The following DNAJC16 variants were observed in gnomAD, a reference collection of about 807,000 sequenced individuals.
DNAJC16 encodes DnaJ heat shock protein family (Hsp40) member C16.
DNAJC16 carries 76 observed loss-of-function variants against 92.7 expected under a neutral mutation model. That is an observed-to-expected ratio of 0.82 (90% confidence interval 0.68 to 0.99). The LOEUF (loss-of-function observed/expected upper bound fraction) is 0.99. Ranked by LOEUF, DNAJC16 falls within the 50% of genes least tolerant of loss-of-function variation. The pLI is 0.00. For missense variants in DNAJC16, 869 were observed against 942.4 expected (o/e 0.92, Z 1.02); for synonymous variants, 328 against 358.7 (o/e 0.91, Z 0.97).
intron 1 of DNAJC16, among the ~76,000 whole-genome samples, chr1:15,527,273 G>A (rs1710539497): frequency 6.6e-6 from 1 of 152,170 alleles, no homozygotes; most frequent in African/African-American, 2.4e-5. Flanking sequence ...CTGCTCCGAG[G>A]TCGGCGCCGT....
intron 8 of DNAJC16, among the ~76,000 whole-genome samples, chr1:15,560,498 G>T (rs1638666727): frequency 6.6e-6 from 1 of 152,074 alleles, no homozygotes; most frequent in Non-Finnish European, 1.5e-5. Flanking sequence ...GAAATTCAGG[G>T]AATGTATTCA....
At chr1:15,534,576 T>A (rs570801899) in intron 3 of DNAJC16, among the ~76,000 whole-genome samples, 1 of 151,850 alleles carries the variant, frequency 6.6e-6, no homozygotes, top group Admixed American at 6.6e-5. Flanking sequence ...ACAAAAAAAA[T>A]TCGCCGGGCG....
intron 7 of DNAJC16, among the ~76,000 whole-genome samples, chr1:15,551,217 A>G (rs949274758): frequency 6.6e-6 from 1 of 152,112 alleles, no homozygotes; most frequent in African/African-American, 2.4e-5. Context: ...ATTTTATTAA[A>G]CCTTAACCCT....
intron 6 of DNAJC16, 150 bp from the exon 7 acceptor site, chr1:15,548,120 A>G (rs1638353368): frequency 1.6e-6 from 1 of 636,290 alleles, no homozygotes; most frequent in East Asian, 2.9e-5. Flanking sequence ...ACACCATAGA[A>G]TGGAAGTATA....
chr1:15,567,184 C>T lies in DNAJC16; in HGVS notation c.1864C>T (p.His622Tyr). 1 of 1,614,174 alleles carries T rather than the reference C, an allele frequency of 6.2e-7. No individual in the cohort carries two copies. Among genetic ancestry groups the T allele is most frequent in the South Asian group, 1.1e-5 (1 of 91,084 alleles). ...TSNLVRLRPGHMNVVLILSNS... is the reference protein window; with the variant it reads ...TSNLVRLRPGYMNVVLILSNS... ...TAACTTGGTACGTCTGAGGCCAGGC[C>T]ACATGAATGTGGTCCTCATCCTGTC... is the stretch of plus-strand genomic sequence containing the variant. The change falls in exon 14 of 15, where the codon CAC becomes TAC. Residue 622 changes from histidine to tyrosine, a missense_variant. By Grantham distance (83) the His-to-Tyr change is moderately conservative. Coordinates refer to ENST00000375847, the MANE Select transcript of DNAJC16 (RefSeq NM_015291.4).
intron 14 of DNAJC16, 84 bp from the exon 15 acceptor site, chr1:15,567,694 T>A (rs768609226): frequency 2.1e-6 from 3 of 1,414,500 alleles, no homozygotes; most frequent in Non-Finnish European, 2.9e-6. Flanking sequence ...TCCTATTATT[T>A]TAAGTCTCAC....
chr1:15,547,538 G>A (rs1236088906), intron 6 of DNAJC16, among the ~76,000 whole-genome samples: 1 of 151,674 alleles, frequency 6.6e-6, no homozygotes, highest in Non-Finnish European at 1.5e-5. Flanking sequence ...CGCCTACCGG[G>A]TTCAAGCAAT....
chr1:15,536,671 T>G lies in DNAJC16; in HGVS notation c.431T>G (p.Leu144Trp), dbSNP rs764037269. Residue 144 changes from leucine to tryptophan, a missense_variant, in exon 4 of 15, where the codon TTG becomes TGG. By Grantham distance (61) the Leu-to-Trp change is moderately conservative. Coordinates refer to ENST00000375847, the MANE Select transcript of DNAJC16 (RefSeq NM_015291.4). ...GACTCAATTGACGAAAAGTATTTATTGCACTTTTCACATTATGTGAATGAA... is the reference window on the plus strand; with the variant it reads ...GACTCAATTGACGAAAAGTATTTATGGCACTTTTCACATTATGTGAATGAA... ...RRDSIDEKYL[L>W]HFSHYVNEVV... 3 of 1,614,178 alleles carry G rather than the reference T, an allele frequency of 1.9e-6. No homozygotes were observed. Among genetic ancestry groups the G allele is most frequent in the Non-Finnish European group, 1.7e-6 (2 of 1,180,016 alleles).
At chr1:15,556,990 T>G (rs1638584670) in intron 7 of DNAJC16, among the ~76,000 whole-genome samples, 2 of 152,264 alleles carry the variant, frequency 1.3e-5, no homozygotes, top group Admixed American at 1.3e-4. Flanking sequence ...CTCATATTAA[T>G]TCATTCTCTA....
Position 15,537,346 on chromosome 1 carries a change from C to T in DNAJC16, c.574+532C>T, listed in dbSNP as rs75249142. On this transcript the variant is annotated intron_variant, in intron 4 of 14. Transcript: ENST00000375847. ...ACTGGTAAAAACTAGTGTGTAAAAG[C>T]ATCCAGTGTTTAAAGAGAAGTGTGC... Among the ~76,000 whole-genome samples, 214 of 152,298 alleles carry T rather than the reference C, an allele frequency of 1.4e-3. 2 individuals are homozygous for T. The highest frequency in any genetic ancestry group is 5.0e-3 in the African/African-American group (208 of 41,560).
intron 2 of DNAJC16, among the ~76,000 whole-genome samples, chr1:15,531,171 C>T (rs1056561592): frequency 2.0e-5 from 3 of 152,074 alleles, no homozygotes; most frequent in African/African-American, 4.8e-5. Flanking sequence ...GAGCTGAATG[C>T]GAGTAGGAAG....
rs903862621 is a variant in DNAJC16 at position 15,569,296 on chromosome 1, C to A, written c.*1119C>A. The A allele has an allele frequency of 1.3e-5, 2 of 152,194 alleles. No homozygotes were observed. Among genetic ancestry groups the A allele is most frequent in the Admixed American group, 6.5e-5 (1 of 15,268 alleles). The allele number at this position is 152,194 out of a possible 1,614,324, so 9.4% of individuals were successfully genotyped here. ...GTGAGCCAAGATTTGTTCTAGACTC[C>A]CATTTTGCAAAAGGCTTACTTTCCA... On this transcript the variant is annotated 3_prime_UTR_variant, in exon 15 of 15. Transcript: ENST00000375847.
At chr1:15,549,840 A>G (rs1638403011) in intron 7 of DNAJC16, among the ~76,000 whole-genome samples, 2 of 147,036 alleles carry the variant, frequency 1.4e-5, no homozygotes, top group Non-Finnish European at 3.0e-5. Flanking sequence ...AAAAAAAAAG[A>G]TGTTTTGAGC....
intron 3 of DNAJC16, among the ~76,000 whole-genome samples, chr1:15,535,872 C>G (rs1057502863): frequency 6.6e-6 from 1 of 151,482 alleles, no homozygotes; most frequent in Non-Finnish European, 1.5e-5. Context: ...AGCAATCTCC[C>G]ACTCACCTCA....
At chr1:15,564,607 C>T (rs1638768005) in intron 11 of DNAJC16, among the ~76,000 whole-genome samples, 1 of 150,992 alleles carries the variant, frequency 6.6e-6, no homozygotes, top group Non-Finnish European at 1.5e-5. Flanking sequence ...GGGATCACTG[C>T]AACCTCCGCC....
chr1:15,546,907 TTTC>T (rs772179543), intron 6 of DNAJC16, 36 bp downstream of exon 6: 21 of 1,404,782 alleles, frequency 1.5e-5, no homozygotes, highest in Non-Finnish European at 1.9e-5. Flanking sequence ...TTCTTTTTCT[TTTC>T]TTTTCTTTTT....
At position 15,568,119 on chromosome 1, in the gene DNAJC16, G is replaced by A. The variant is rs756674792; in HGVS notation, c.2291G>A (p.Arg764His). The A allele has an allele frequency of 9.3e-6, 15 of 1,614,110 alleles. No homozygotes were observed. The highest frequency in any genetic ancestry group is 1.7e-5 in the Admixed American group (1 of 60,018). The part of the protein sequence containing the change: ...KLSKLSLWME[R>H]LLEGSLQRFY... ...AGCAAGCTCTCTTTATGGATGGAAC[G>A]CCTGCTGGAGGGCTCCTTACAGAGG... Residue 764 changes from arginine (R) to histidine (H), a missense_variant, in exon 15 of 15, where the codon CGC becomes CAC. Arg to His is a conservative substitution (Grantham distance 29). Transcript: ENST00000375847.
At chr1:15,537,714 G>A (rs557060388) in intron 4 of DNAJC16, among the ~76,000 whole-genome samples, 74 of 152,100 alleles carry the variant, frequency 4.9e-4, no homozygotes, top group Non-Finnish European at 9.8e-4. Context: ...TTTGTCCCCA[G>A]AGCAACTCAA....
rs759173475 is a variant in DNAJC16, at chr1:15,568,984, A to T, written c.*807A>T. The T allele has an allele frequency of 1.5e-5, 5 of 324,404 alleles. No homozygotes were observed. The highest frequency in any genetic ancestry group is 4.2e-5 in the African/African-American group (2 of 47,196). 20.1% of individuals were successfully genotyped at this position (324,404 alleles called of 1,614,324 possible). A position where few individuals can be genotyped will look rare whatever the true frequency, so the allele number is the denominator to read the frequency against. ...GAGCCGTTGACATGTATGTCTTCAG[A>T]TGCCTTTCTGCCTCTGTCGATTTTA... On this transcript the variant is annotated 3_prime_UTR_variant, in exon 15 of 15. Transcript: ENST00000375847.
Sources: allele counts gnomAD v4.1 joint callset (sites outside exome capture counted in the v4.1 genomes callset), GRCh38; gene constraint gnomAD v4.1.1; transcripts MANE v1.5; gene names NCBI Gene and HGNC (gene_info 2026-07-23, HGNC 2026-07-21).